ERAP1: variants seen among roughly 807,000 people sequenced by gnomAD.
ERAP1 encodes the protein endoplasmic reticulum aminopeptidase 1, also known as adipocyte-derived leucine aminopeptidase.
ERAP1 carries 86 observed loss-of-function variants against 103.7 expected under a neutral mutation model. The observed-to-expected ratio is 0.83, with a 90% CI of 0.70 to 0.99. ERAP1 has a LOEUF of 0.99. ERAP1 is among the 50% of genes least tolerant of loss of function. ERAP1 has a pLI of 0.00. For synonymous variants in ERAP1, 398 were observed against 402.4 expected (o/e 0.99, Z 0.13); for missense variants, 1,009 against 1,128.4 (o/e 0.89, Z 1.52).
intron 4 of ERAP1, 27 bp downstream of exon 4, chr5:96,797,148 C>T: frequency 6.2e-7 from 1 of 1,613,798 alleles, no homozygotes; most frequent in Non-Finnish European, 8.5e-7. Flanking sequence ...ACAAGCTGGT[C>T]ACCATATGTG....
the ERAP1 span, among the ~76,000 whole-genome samples, chr5:96,855,297 G>T: frequency 7.2e-5 from 11 of 152,252 alleles, no homozygotes; most frequent in Admixed American, 6.5e-4. Context: ...AAACACTTTC[G>T]ATTAATGATA....
chr5:96,770,660 T>G, downstream of ERAP1: 7 of 1,163,352 alleles, frequency 6.0e-6, no homozygotes, highest in Non-Finnish European at 7.7e-6. Context: ...GAGTAGGGTT[T>G]ATCATTTCAG....
chr5:96,844,962 A>C, the ERAP1 span, among the ~76,000 whole-genome samples: 1 of 152,260 alleles, frequency 6.6e-6, no homozygotes, highest in Admixed American at 6.5e-5. Flanking sequence ...GGGTGAGAAA[A>C]ATTATGTCTG....
chr5:96,891,533 TATACAC>T, the ERAP1 span, among the ~76,000 whole-genome samples: 1 of 85,846 alleles, frequency 1.2e-5, no homozygotes. Flanking sequence ...ATACGGTATA[TATACAC>T]ACACACACAC....
At chr5:96,772,648 A>C (rs1048684500), downstream of ERAP1, 2 of 152,734 alleles carry the variant, frequency 1.3e-5, no homozygotes, top group African/African-American at 4.8e-5. Flanking sequence ...AGGTATCTGC[A>C]TGTAAAATCT....
At chr5:96,897,826 T>C in the ERAP1 span, among the ~76,000 whole-genome samples, 4 of 152,242 alleles carry the variant, frequency 2.6e-5, no homozygotes, top group South Asian at 2.1e-4. Flanking sequence ...GAAGAGATCC[T>C]TTCTTTTTTA....
rs201123726 is a variant in ERAP1, at chr5:96,776,480, G to T, written c.2742C>A (p.Thr914=). The change falls in exon 19 of 19, where the codon ACC becomes ACA. Residue 914 remains threonine (T), a synonymous_variant. Transcript: ENST00000443439. ...CCATCCAACCGATGTTTTCTTCAAT[G>T]GTTTCAATTGTCTGTTGGACACAAC... ...QLRCVQQTIE[T]IEENIGWMDK... 1.0e-4 allele frequency: 166 copies of T among 1,614,068 alleles called. No individual in the cohort carries two copies. The highest frequency in any genetic ancestry group is 1.4e-4 in the Non-Finnish European group (162 of 1,180,014).
chr5:96,881,350 C>A, the ERAP1 span: 1 of 450,444 alleles, frequency 2.2e-6, no homozygotes, highest in African/African-American at 2.0e-5. Flanking sequence ...TTGAACTTGG[C>A]AGTTATTTTG....
the ERAP1 span, chr5:96,873,801 G>C: frequency 4.1e-5 from 8 of 194,582 alleles, no homozygotes; most frequent in Non-Finnish European, 8.6e-5. Context: ...GCAGTTAGAG[G>C]GCAGAGTTGC....
At chr5:96,913,623 A>T in the ERAP1 span, among the ~76,000 whole-genome samples, 1 of 152,228 alleles carries the variant, frequency 6.6e-6, no homozygotes, top group Admixed American at 6.5e-5. Context: ...TATCCTGTCC[A>T]GGAGTAAGGG....
At chr5:96,892,279 T>A in the ERAP1 span, 1 of 1,613,100 alleles carries the variant, frequency 6.2e-7, no homozygotes, top group East Asian at 2.2e-5. Context: ...AACTCAAGTA[T>A]GGTTGTTCTT....
chr5:96,932,464 C>G, the ERAP1 span, among the ~76,000 whole-genome samples: 4 of 152,172 alleles, frequency 2.6e-5, no homozygotes, highest in African/African-American at 4.8e-5. Flanking sequence ...ATGAAATTAG[C>G]TATATTTCTC....
At chr5:96,896,161 A>G in the ERAP1 span, among the ~76,000 whole-genome samples, 1 of 152,086 alleles carries the variant, frequency 6.6e-6, no homozygotes, top group African/African-American at 2.4e-5. Flanking sequence ...GTCTGAAGGA[A>G]TATTGGATTT....
chr5:96,865,861 A>G, the ERAP1 span, among the ~76,000 whole-genome samples: 1 of 152,194 alleles, frequency 6.6e-6, no homozygotes, highest in Non-Finnish European at 1.5e-5. Flanking sequence ...GCGGTGCAAT[A>G]CTGTCTTCCA....
chr5:96,786,681 C>A, intron 11 of ERAP1, 132 bp from the exon 12 acceptor site: 2 of 654,792 alleles, frequency 3.1e-6, no homozygotes, highest in Non-Finnish European at 5.5e-6. Flanking sequence ...GCCAAGCTCT[C>A]AAAACATCCC....
chr5:96,877,195 G>A, the ERAP1 span, among the ~76,000 whole-genome samples: 2 of 152,100 alleles, frequency 1.3e-5, no homozygotes, highest in Non-Finnish European at 1.5e-5. Flanking sequence ...GGCTGGTCTC[G>A]AATTCCTGAC....
At chr5:96,866,917 A>G in the ERAP1 span, among the ~76,000 whole-genome samples, 1 of 152,046 alleles carries the variant, frequency 6.6e-6, no homozygotes, top group African/African-American at 2.4e-5. Flanking sequence ...CGTTTCCTTG[A>G]TGAGTGACTG....
At chr5:96,891,533 T>TAG in the ERAP1 span, among the ~76,000 whole-genome samples, 1 of 85,848 alleles carries the variant, frequency 1.2e-5, no homozygotes, top group African/African-American at 5.1e-5. Context: ...ATACGGTATA[T>TAG]ATACACACAC....
intron 15 of ERAP1, among the ~76,000 whole-genome samples, chr5:96,782,361 T>G (rs27619): frequency 0.47 from 70,712 of 151,980 alleles, 16,752 homozygotes; most frequent in South Asian, 0.58. Context: ...AATTAGGTTT[T>G]AAGTAGCCTT....
Sources: allele counts gnomAD v4.1 joint callset (sites outside exome capture counted in the v4.1 genomes callset), GRCh38; gene constraint gnomAD v4.1.1; transcripts MANE v1.5; gene names NCBI Gene and HGNC (gene_info 2026-07-23, HGNC 2026-07-21).